INPP4B: variants seen among roughly 807,000 people sequenced by gnomAD.
INPP4B encodes the protein inositol polyphosphate-4-phosphatase type II B, also known as inositol polyphosphate 4-phosphatase type II.
Under a neutral mutation model 122.5 loss-of-function variants are expected in INPP4B, and 55 were observed. The ratio of observed to expected loss-of-function variants is 0.45; its 90% CI spans 0.36 to 0.56. The LOEUF (loss-of-function observed/expected upper bound fraction) is 0.56, where lower values mean the gene tolerates loss of function less well. Ranked by LOEUF, INPP4B falls within the 20% of genes least tolerant of loss-of-function variation. INPP4B has a pLI of 0.00. For synonymous variants in INPP4B, 403 were observed against 388.7 expected (o/e 1.04, Z -0.43); for missense variants, 1,000 against 1,097.7 (o/e 0.91, Z 1.26).
At chr4:142,781,972 A>AT (rs56245016) in intron 1 of INPP4B, among the ~76,000 whole-genome samples, 12,303 of 151,512 alleles carry the variant, frequency 0.081, 585 homozygotes, top group Middle Eastern at 0.13. Context: ...TATTTTTTTT[A>AT]TTTTTTAATT....
At chr4:142,466,271 T>A (rs113671338) in intron 2 of INPP4B, among the ~76,000 whole-genome samples, 4,770 of 152,190 alleles carry the variant, frequency 0.031, 282 homozygotes, top group African/African-American at 0.11. Context: ...GCTGAAGAGA[T>A]CTCACATGAA....
rs140473794 is a variant in INPP4B, at chr4:142,303,923, C to G, written c.503+1535G>C. Reference sequence around the variant, plus strand: ...CTCTCTCTAAGGTACTGTGTGTTCACTAATTTTAATTTTACTAAGAACTGC... The same window carrying G: ...CTCTCTCTAAGGTACTGTGTGTTCAGTAATTTTAATTTTACTAAGAACTGC... On this transcript the variant is annotated intron_variant, in intron 9 of 25. Transcript: ENST00000262992. Among the ~76,000 whole-genome samples the G allele has an allele frequency of 5.0e-4, 76 of 152,200 alleles. 1 individual carries two copies. The highest frequency in any genetic ancestry group is 6.8e-3 in the Middle Eastern group (2 of 294).
intron 18 of INPP4B, among the ~76,000 whole-genome samples, chr4:142,141,587 C>T (rs181981424): frequency 5.2e-4 from 79 of 152,214 alleles, no homozygotes; most frequent in Non-Finnish European, 9.6e-4. Context: ...TTTTATGTCT[C>T]TCAGCACTAT....
At chr4:142,361,346 C>T (rs1424267692) in intron 7 of INPP4B, among the ~76,000 whole-genome samples, 1 of 151,924 alleles carries the variant, frequency 6.6e-6, no homozygotes, top group African/African-American at 2.4e-5. Flanking sequence ...CTGAAACTAG[C>T]CTAATCTGTG....
chr4:142,837,168 T>A (rs57206134), intron 1 of INPP4B, among the ~76,000 whole-genome samples: 4,038 of 150,476 alleles, frequency 0.027, 174 homozygotes, highest in African/African-American at 0.094. Context: ...AAAATAATAA[T>A]AATAATAATA....
chr4:142,249,412 A>C (rs1473169696), intron 11 of INPP4B, among the ~76,000 whole-genome samples: 1 of 149,986 alleles, frequency 6.7e-6, no homozygotes, highest in Non-Finnish European at 1.5e-5. Flanking sequence ...AATTGTCTTT[A>C]AAACTTTTTT....
At chr4:142,532,983 C>T (rs900567338) in intron 2 of INPP4B, among the ~76,000 whole-genome samples, 2 of 152,030 alleles carry the variant, frequency 1.3e-5, no homozygotes, top group African/African-American at 4.8e-5. Flanking sequence ...AATATTAATG[C>T]TGAGAGAGAT....
chr4:142,327,700 C>G (rs923361269), intron 7 of INPP4B, among the ~76,000 whole-genome samples: 3 of 152,202 alleles, frequency 2.0e-5, no homozygotes, highest in Non-Finnish European at 4.4e-5. Context: ...GTCTACACTC[C>G]TTTAACTGGG....
chr4:142,230,566 C>A (rs1451144905), intron 12 of INPP4B, among the ~76,000 whole-genome samples: 1 of 147,818 alleles, frequency 6.8e-6, no homozygotes, highest in Admixed American at 6.9e-5. Context: ...AACACTTGAA[C>A]CCAGGAGGCG....
chr4:142,253,647 G>A (rs941905066), intron 11 of INPP4B, among the ~76,000 whole-genome samples: 10 of 152,316 alleles, frequency 6.6e-5, no homozygotes, highest in South Asian at 2.1e-4. Context: ...CTTTTCCGAC[G>A]GGCTTAAAAA....
At chr4:142,157,027 A>G (rs1301632792) in intron 17 of INPP4B, among the ~76,000 whole-genome samples, 3 of 152,166 alleles carry the variant, frequency 2.0e-5, no homozygotes, top group African/African-American at 7.2e-5. Context: ...TTCACATAAT[A>G]TCACAGAAAC....
chr4:142,490,020 AT>A (rs934275030), intron 2 of INPP4B, among the ~76,000 whole-genome samples: 16 of 151,662 alleles, frequency 1.1e-4, no homozygotes, highest in African/African-American at 9.7e-5. Context: ...TATAGACAGC[AT>A]TTTTTTGGAG....
chr4:142,530,609 A>G (rs969892144), intron 2 of INPP4B, among the ~76,000 whole-genome samples: 1 of 151,572 alleles, frequency 6.6e-6, no homozygotes, highest in Non-Finnish European at 1.5e-5. Context: ...ATACATACAC[A>G]TAAGGAAGAA....
rs187696494 is a variant in INPP4B at position 142,132,870 on chromosome 4, C to A, written c.1721-8110G>T. ...TCCATTTCCTTTCACAATGAAAGTT[C>A]TCAAAAGAGTTGTCTATACAGGTTG... is the stretch of plus-strand genomic sequence containing the variant. On this transcript the variant is annotated intron_variant, in intron 18 of 25. Coordinates refer to ENST00000262992, the MANE Select transcript of INPP4B (RefSeq NM_001101669.3). 7.9e-5 allele frequency among the ~76,000 whole-genome samples: 12 copies of A among 152,268 alleles called. No individual in the cohort carries two copies. The East Asian group carries it at 2.1e-3, about 27-fold the overall frequency.
intron 7 of INPP4B, among the ~76,000 whole-genome samples, chr4:142,395,227 A>T (rs1298569275): frequency 6.6e-6 from 1 of 152,222 alleles, no homozygotes; most frequent in South Asian, 2.1e-4. Context: ...ATGTACTTTG[A>T]TATGTAAATT....
chr4:142,202,115 A>G (rs901114366), intron 14 of INPP4B, among the ~76,000 whole-genome samples: 2 of 152,062 alleles, frequency 1.3e-5, no homozygotes, highest in Non-Finnish European at 2.9e-5. Flanking sequence ...TATCCAAAGT[A>G]ATAGATAAAA....
intron 2 of INPP4B, among the ~76,000 whole-genome samples, chr4:142,714,356 A>G (rs537414086): frequency 9.9e-5 from 15 of 152,192 alleles, no homozygotes; most frequent in South Asian, 2.1e-4. Flanking sequence ...TACTTTCTGC[A>G]CTTTCCTCAC....
intron 7 of INPP4B, among the ~76,000 whole-genome samples, chr4:142,376,732 A>G (rs1007622677): frequency 1.3e-5 from 2 of 151,976 alleles, no homozygotes; most frequent in African/African-American, 4.8e-5. Context: ...TGTTCCTGAG[A>G]AACTTCCTAT....
At chr4:142,215,956 G>C (rs947287794) in intron 12 of INPP4B, among the ~76,000 whole-genome samples, 3 of 119,726 alleles carry the variant, frequency 2.5e-5, no homozygotes, top group African/African-American at 9.1e-5. Context: ...CACTAATGTT[G>C]TAATTAAATA....
Sources: gnomAD v4.1 joint callset for allele counts (sites outside exome capture counted in the v4.1 genomes callset) on GRCh38, gnomAD v4.1.1 for gene constraint, MANE v1.5 for transcripts, NCBI Gene and HGNC (gene_info 2026-07-23, HGNC 2026-07-21) for gene names.